Variants in MATN2 observed in about 807,000 individuals in gnomAD.
The protein encoded by MATN2 is matrilin 2.
In MATN2, 69 loss-of-function variants were observed where a neutral mutation model predicts 103.2. The observed-to-expected ratio is 0.67, with a 90% CI of 0.55 to 0.82. The LOEUF is 0.82. Among genes scored for constraint, MATN2 ranks in the 40% least tolerant of loss-of-function variants. MATN2 has a pLI of 0.00. For synonymous variants in MATN2, 429 were observed against 450.2 expected, an observed-to-expected ratio of 0.95 and a Z score of 0.60; for missense variants, 1,023 against 1,211.5, an observed-to-expected ratio of 0.84 and a Z score of 2.31.
chr8:98,016,380 A>T (rs967345171), intron 10 of MATN2, among the ~76,000 whole-genome samples, 160 bp from the exon 11 acceptor site: 2 of 152,314 alleles, frequency 1.3e-5, no homozygotes, highest in Non-Finnish European at 2.9e-5. Context: ...CTCAAAAAAG[A>T]ATTTTTGCTC....
chr8:98,016,532 A>T lies in MATN2; in HGVS notation c.1574-8A>T, dbSNP rs1813361369. 1.2e-6 allele frequency: 2 copies of T among 1,603,886 alleles called. No homozygotes were observed. The highest frequency in any genetic ancestry group is 1.7e-6 in the Non-Finnish European group (2 of 1,174,426). Reference sequence around the variant, plus strand: ...CTTCTGTTTCTCTAATTCCCATTTGATTCTCAGAATTGGACTCTTGTGCTC... The same window carrying T: ...CTTCTGTTTCTCTAATTCCCATTTGTTTCTCAGAATTGGACTCTTGTGCTC... On this transcript the variant is annotated splice_region_variant and splice_polypyrimidine_tract_variant and intron_variant, in intron 10 of 18. Transcript: ENST00000254898.
chr8:98,026,653 A>C (rs1022489073), intron 13 of MATN2, among the ~76,000 whole-genome samples: 7 of 152,182 alleles, frequency 4.6e-5, no homozygotes, highest in African/African-American at 1.7e-4. Flanking sequence ...CCACACATTT[A>C]CTGAACACTT....
chr8:98,015,540 C>T (rs1238730159), intron 10 of MATN2, among the ~76,000 whole-genome samples: 1 of 152,200 alleles, frequency 6.6e-6, no homozygotes, highest in Non-Finnish European at 1.5e-5. Context: ...GCTGTTCTTT[C>T]TTGCTGATAA....
At chr8:98,003,879 C>A (rs372090676) in intron 8 of MATN2, 96 bp downstream of exon 8, 4 of 1,437,546 alleles carry the variant, frequency 2.8e-6, no homozygotes, top group Non-Finnish European at 3.9e-6. Flanking sequence ...TGGAGCCCAC[C>A]GGGTTTCCTG....
chr8:98,027,427 G>A lies in MATN2; in HGVS notation c.1954G>A (p.Gly652Ser). 6.2e-7 allele frequency: 1 copy of A among 1,603,034 alleles called. No homozygotes were observed. Residue 652 changes from glycine to serine, a missense_variant, in exon 14 of 19, where the codon GGC becomes AGC. Gly to Ser is a moderately conservative substitution (Grantham distance 56). Transcript: ENST00000254898. ...DGRRCKKCTE[G>S]PIDLVFVIDG... The stretch of plus-strand genomic sequence containing the variant: ...TTCTGTTCATATAGAATGCACTGAA[G>A]GCCCAATTGACCTGGTCTTTGTGAT...
chr8:98,032,173 G>T, intron 15 of MATN2, 73 bp from the exon 16 acceptor site: 1 of 1,253,614 alleles, frequency 8.0e-7, no homozygotes, highest in South Asian at 1.3e-5. Flanking sequence ...GGTGGTCTGG[G>T]ACCAGCTTCC....
chr8:97,952,611 T>C (rs1008476858), intron 4 of MATN2, among the ~76,000 whole-genome samples: 1 of 151,986 alleles, frequency 6.6e-6, no homozygotes, highest in African/African-American at 2.4e-5. Flanking sequence ...CTGGTTGGGT[T>C]TGAGCACAGC....
At chr8:98,032,931 G>A in intron 16 of MATN2, 111 bp from the exon 17 acceptor site, 3 of 962,124 alleles carry the variant, frequency 3.1e-6, no homozygotes, top group South Asian at 5.4e-5. Context: ...ATGTCCCAAA[G>A]TAAAGCTCTG....
At chr8:97,991,263 T>G (rs1379971145) in intron 6 of MATN2, among the ~76,000 whole-genome samples, 1 of 152,208 alleles carries the variant, frequency 6.6e-6, no homozygotes, top group Non-Finnish European at 1.5e-5. Flanking sequence ...TTTTGTTTGT[T>G]AGAGACAGGC....
In MATN2 at chr8:98,033,894, G is replaced by T. The variant is rs1814139864; in HGVS notation, c.2815+235G>T. On this transcript the variant is annotated intron_variant, in intron 18 of 18. Coordinates refer to ENST00000254898, the MANE Select transcript of MATN2 (RefSeq NM_002380.5). ...TTAGTTGCCATCGGCTGTTCTCGGGGGCTTAGCAATAAGGCCTGTCAGTCA... is the reference window on the plus strand; with the variant it reads ...TTAGTTGCCATCGGCTGTTCTCGGGTGCTTAGCAATAAGGCCTGTCAGTCA... The T allele has an allele frequency of 5.7e-6, 3 of 524,224 alleles. No individual in the cohort carries two copies. The South Asian group carries it at 7.0e-5, about 12-fold the overall frequency. The allele number at this position is 524,224 out of a possible 1,614,324, so 32.5% of individuals were successfully genotyped here. A position where few individuals can be genotyped will look rare whatever the true frequency, so the allele number is the denominator to read the frequency against.
intron 10 of MATN2, among the ~76,000 whole-genome samples, chr8:98,015,686 T>A (rs980016044): frequency 1.3e-5 from 2 of 152,184 alleles, no homozygotes; most frequent in Non-Finnish European, 2.9e-5. Context: ...CATCCTTCTA[T>A]CCTGCTCTTC....
rs778503232 is a variant in MATN2, at chr8:97,994,542, T to G, written c.1144T>G (p.Ser382Ala). Residue 382 changes from serine to alanine, a missense_variant, in exon 7 of 19, where the codon TCC becomes GCC. By Grantham distance (99) the Ser-to-Ala change is moderately conservative (BLOSUM62 1). Coordinates refer to ENST00000254898, the MANE Select transcript of MATN2 (RefSeq NM_002380.5). ...GCACGAGTGTGTTAACACAGATGATTCCTATTCCTGCCACTGCCTGAAAGG... is the reference window on the plus strand; with the variant it reads ...GCACGAGTGTGTTAACACAGATGATGCCTATTCCTGCCACTGCCTGAAAGG... ...CQHECVNTDD[S>A]YSCHCLKGFT... 4 of 1,613,774 alleles carry G rather than the reference T, an allele frequency of 2.5e-6. No homozygotes were observed. The South Asian group carries it at 4.4e-5, about 18-fold the overall frequency.
chr8:97,991,878 AT>A, intron 6 of MATN2, among the ~76,000 whole-genome samples: 1 of 152,278 alleles, frequency 6.6e-6, no homozygotes, highest in Non-Finnish European at 1.5e-5. Context: ...TTTAATTGTT[AT>A]TTCATTTTAA....
intron 4 of MATN2, among the ~76,000 whole-genome samples, chr8:97,956,094 G>C (rs1399346191): frequency 1.3e-5 from 2 of 152,248 alleles, no homozygotes; most frequent in Non-Finnish European, 2.9e-5. Flanking sequence ...AGCCCTGGCA[G>C]TGTTACGCCT....
At chr8:97,997,626 G>A (rs1368888062) in intron 7 of MATN2, among the ~76,000 whole-genome samples, 1 of 152,114 alleles carries the variant, frequency 6.6e-6, no homozygotes, top group Non-Finnish European at 1.5e-5. Context: ...CATCCTGTGG[G>A]TGCCATGTCA....
At chr8:97,919,413 G>A (rs963573066) in intron 2 of MATN2, among the ~76,000 whole-genome samples, 4 of 152,086 alleles carry the variant, frequency 2.6e-5, no homozygotes, top group Admixed American at 2.6e-4. Flanking sequence ...TGTGTTTTTA[G>A]TAGAGGCAGG....
At chr8:97,968,331 C>G (rs151312530) in intron 5 of MATN2, among the ~76,000 whole-genome samples, 2 of 152,348 alleles carry the variant, frequency 1.3e-5, no homozygotes, top group African/African-American at 4.8e-5. Context: ...TTTAGTTACA[C>G]TAATCTCTCT....
At chr8:97,960,567 A>T (rs566575811) in intron 4 of MATN2, among the ~76,000 whole-genome samples, 1 of 152,346 alleles carries the variant, frequency 6.6e-6, no homozygotes, top group African/African-American at 2.4e-5. Context: ...TAAATATTTG[A>T]CCAAAATAAG....
At chr8:97,953,721 C>T (rs1213841762) in intron 4 of MATN2, among the ~76,000 whole-genome samples, 8 of 147,694 alleles carry the variant, frequency 5.4e-5, no homozygotes, top group Non-Finnish European at 7.4e-5. Context: ...ACCTAGGAGG[C>T]GGAGAATGCG....
Sources: gnomAD v4.1 joint callset for allele counts (sites outside exome capture counted in the v4.1 genomes callset) on GRCh38, gnomAD v4.1.1 for gene constraint, MANE v1.5 for transcripts, NCBI Gene and HGNC (gene_info 2026-07-23, HGNC 2026-07-21) for gene names.